Variants in WDR47 observed in about 807,000 individuals in gnomAD.
The protein encoded by WDR47 is WD repeat-containing protein 47.
WDR47 carries 32 observed loss-of-function variants against 97.2 expected under a neutral mutation model. That is an observed-to-expected ratio of 0.33 (90% confidence interval 0.25 to 0.44). The LOEUF is 0.44. Among genes scored for constraint, WDR47 ranks in the 20% least tolerant of loss-of-function variants. The probability of loss-of-function intolerance (pLI) is 1.00; values close to 1 mark genes in which losing one functional copy is unlikely to be tolerated. For missense variants in WDR47, 782 were observed against 1,102.3 expected (o/e 0.71, Z 4.11); for synonymous variants, 375 against 373.5 (o/e 1.00, Z -0.05).
intron 1 of WDR47, among the ~76,000 whole-genome samples, chr1:109,032,956 T>C (rs114761905): frequency 0.025 from 3,783 of 151,570 alleles, 69 homozygotes; most frequent in Admixed American, 0.038. Flanking sequence ...CAAACAATTA[T>C]GTTAAAAGAC....
At chr1:109,009,069 G>A (rs1660846970) in intron 5 of WDR47, among the ~76,000 whole-genome samples, 1 of 151,894 alleles carries the variant, frequency 6.6e-6, no homozygotes, top group South Asian at 2.1e-4. Context: ...TGGTGACAGA[G>A]CGGGACTCCA....
intron 13 of WDR47, among the ~76,000 whole-genome samples, chr1:108,981,515 A>G (rs537759483): frequency 6.6e-6 from 1 of 152,352 alleles, no homozygotes; most frequent in South Asian, 2.1e-4. Context: ...CTGGGACATT[A>G]TATTTAATCT....
intron 1 of WDR47, among the ~76,000 whole-genome samples, chr1:109,029,549 A>C (rs1662465907): frequency 6.6e-6 from 1 of 151,852 alleles, no homozygotes; most frequent in East Asian, 1.9e-4. Context: ...GGTCCCAGCT[A>C]CTCAGGAAGC....
Position 108,983,352 on chromosome 1 carries a change from TAAC to T in WDR47, c.2022_2024del (p.Leu676del). On this transcript the variant is annotated inframe_deletion, in exon 11 of 15. Coordinates refer to ENST00000369962, the MANE Select transcript of WDR47 (RefSeq NM_001142551.2). ...ATTTGTCATTTGATCCTGTTGCTAA[TAAC>T]TGCCCACAAGGACTCCAGGCCACAC... The T allele has an allele frequency of 6.2e-7, 1 of 1,613,002 alleles. No homozygotes were observed. The highest frequency in any genetic ancestry group is 8.5e-7 in the Non-Finnish European group (1 of 1,179,476).
At chr1:109,033,912 CTG>C (rs1359274335) in intron 1 of WDR47, among the ~76,000 whole-genome samples, 1 of 152,090 alleles carries the variant, frequency 6.6e-6, no homozygotes, top group African/African-American at 2.4e-5. Context: ...GAGTGAGACT[CTG>C]TGTCAAAAAA....
At chr1:109,026,499 C>T (rs1289276386) in intron 1 of WDR47, among the ~76,000 whole-genome samples, 1 of 152,078 alleles carries the variant, frequency 6.6e-6, no homozygotes, top group Non-Finnish European at 1.5e-5. Flanking sequence ...ATTTTTACTG[C>T]TCCTTGCAGA....
intron 1 of WDR47, among the ~76,000 whole-genome samples, chr1:109,039,505 G>A (rs1169066116): frequency 1.3e-5 from 2 of 152,092 alleles, no homozygotes; most frequent in South Asian, 2.1e-4. Flanking sequence ...TGATCCGCCC[G>A]CTTTGGCCTC....
intron 5 of WDR47, among the ~76,000 whole-genome samples, chr1:109,010,044 C>A (rs1196375475): frequency 1.3e-5 from 2 of 151,846 alleles, no homozygotes; most frequent in African/African-American, 4.8e-5. Context: ...GAAAAAAAGA[C>A]TGGTCCATCT....
intron 12 of WDR47, 124 bp downstream of exon 12, chr1:108,982,485 T>C (rs753401837): frequency 4.1e-5 from 47 of 1,152,642 alleles, no homozygotes; most frequent in Non-Finnish European, 5.3e-5. Flanking sequence ...TGAGCTGTGA[T>C]TGTGCCACTG....
chr1:109,016,795 A>C (rs2101969500), intron 3 of WDR47, among the ~76,000 whole-genome samples: 1 of 152,088 alleles, frequency 6.6e-6, no homozygotes, highest in African/African-American at 2.4e-5. Flanking sequence ...TAGTTAAAAA[A>C]AAAAACAAAA....
chr1:108,989,166 G>C (rs1310647938), intron 9 of WDR47, among the ~76,000 whole-genome samples: 1 of 152,162 alleles, frequency 6.6e-6, no homozygotes, highest in African/African-American at 2.4e-5. Flanking sequence ...GATGTCATTT[G>C]AAACCACCGT....
chr1:109,011,617 C>T lies in WDR47; in HGVS notation c.429G>A (p.Leu143=), dbSNP rs755923358. The T allele has an allele frequency of 2.5e-6, 4 of 1,614,098 alleles. No homozygotes were observed. Among genetic ancestry groups the T allele is most frequent in the East Asian group, 4.5e-5 (2 of 44,886 alleles). ...DYSKLCLLLT[L]PRLTNHAEFK... is the part of the protein sequence containing the mutation. Reference sequence around the variant, plus strand: ...ACTCGGCATGATTGGTCAGACGAGGCAAAGTCAAAAGCAAACAGAGCTTAC... The same window carrying T: ...ACTCGGCATGATTGGTCAGACGAGGTAAAGTCAAAAGCAAACAGAGCTTAC... The change falls in exon 5 of 15, where the codon TTG becomes TTA. Residue 143 remains leucine, a synonymous_variant. Coordinates refer to ENST00000369962, the MANE Select transcript of WDR47 (RefSeq NM_001142551.2).
At chr1:109,013,535 T>TA (rs574677261) in intron 4 of WDR47, among the ~76,000 whole-genome samples, 64 of 151,984 alleles carry the variant, frequency 4.2e-4, no homozygotes, top group Non-Finnish European at 7.5e-4. Flanking sequence ...TTCCGGGATT[T>TA]AAAAAAAAGA....
chr1:109,037,484 G>A (rs1226282962), intron 1 of WDR47, among the ~76,000 whole-genome samples: 1 of 151,612 alleles, frequency 6.6e-6, no homozygotes, highest in East Asian at 1.9e-4. Context: ...AAATTAGCCG[G>A]GCTTGGTGGC....
intron 7 of WDR47, among the ~76,000 whole-genome samples, chr1:108,999,437 T>G (rs1660009029): frequency 6.6e-6 from 1 of 151,156 alleles, no homozygotes; most frequent in African/African-American, 2.4e-5. Context: ...AGAATGGTGG[T>G]TCTCGCCTGT....
intron 1 of WDR47, among the ~76,000 whole-genome samples, 164 bp from the exon 2 acceptor site, chr1:109,023,685 T>C (rs1662007910): frequency 3.3e-5 from 5 of 152,232 alleles, no homozygotes. Flanking sequence ...CTTTAATATG[T>C]GACAATGGTA....
In WDR47 at chr1:109,023,492, C is replaced by T; in HGVS notation, c.21G>A (p.Val7=). 1 of 1,612,912 alleles carries T rather than the reference C, an allele frequency of 6.2e-7. No individual in the cohort carries two copies. Residue 7 remains valine, a synonymous_variant, in exon 2 of 15, where the codon GTG becomes GTA. Transcript: ENST00000369962. ...TAATGATTTCAACCTCTTTTACATT[C>T]ACTGTTTCTTCAGCCGTCATATTGA... MTAEET[V]NVKEVEIIKL...
Position 109,010,977 on chromosome 1 carries a change from T to C in WDR47, c.1069A>G (p.Ser357Gly). ...NFHYPGVQNLSRSLMLENTEC... is the reference protein window; with the variant it reads ...NFHYPGVQNLGRSLMLENTEC... ...GTATTCTCAAGCATGAGACTTCTAC[T>C]GAGGTTTTGTACCCCTGGATAATGG... Residue 357 changes from serine (S) to glycine (G), a missense_variant, in exon 5 of 15, where the codon AGT (serine) becomes GGT (glycine). By Grantham distance (56) the Ser-to-Gly change is moderately conservative. Coordinates refer to ENST00000369962, the MANE Select transcript of WDR47 (RefSeq NM_001142551.2). 1 of 1,614,166 alleles carries C rather than the reference T, an allele frequency of 6.2e-7. No individual in the cohort carries two copies. The highest frequency in any genetic ancestry group is 8.5e-7 in the Non-Finnish European group (1 of 1,180,026).
At chr1:109,034,625 G>A (rs1038009562) in intron 1 of WDR47, among the ~76,000 whole-genome samples, 3 of 152,228 alleles carry the variant, frequency 2.0e-5, no homozygotes, top group East Asian at 1.9e-4. Context: ...ATTCTCATAG[G>A]AGCACGGACC....
Sources: gnomAD v4.1 joint callset for allele counts (sites outside exome capture counted in the v4.1 genomes callset) on GRCh38, gnomAD v4.1.1 for gene constraint, MANE v1.5 for transcripts, NCBI Gene and HGNC (gene_info 2026-07-23, HGNC 2026-07-21) for gene names.